Variants in MYRFL observed in about 807,000 individuals in gnomAD.
MYRFL encodes the protein myelin regulatory factor-like protein.
Under a neutral mutation model 109.4 loss-of-function variants are expected in MYRFL, and 88 were observed. That is an observed-to-expected ratio of 0.80 (90% CI 0.68 to 0.96). The LOEUF (loss-of-function observed/expected upper bound fraction) is 0.96, where lower values mean the gene tolerates loss of function less well. Ranked by LOEUF, MYRFL falls within the 40% of genes least tolerant of loss-of-function variation. MYRFL has a pLI of 0.00. For synonymous variants in MYRFL, 324 were observed against 320.9 expected, an observed-to-expected ratio of 1.01 and a Z score of -0.10; for missense variants, 957 against 954.9, an observed-to-expected ratio of 1.00 and a Z score of -0.03.
At chr12:69,834,306 G>C (rs1882810028) in intron 1 of MYRFL, among the ~76,000 whole-genome samples, 2 of 152,180 alleles carry the variant, frequency 1.3e-5, no homozygotes, top group Admixed American at 1.3e-4. Flanking sequence ...CATGTGACTT[G>C]ATGCTGAGAA....
intron 21 of MYRFL, 79 bp downstream of exon 21, chr12:69,952,965 G>A: frequency 1.2e-6 from 1 of 865,046 alleles, no homozygotes; most frequent in Non-Finnish European, 1.8e-6. Context: ...TGCAGTGGAA[G>A]CTAAAGCTAC....
At chr12:69,923,476 A>G (rs1467096032) in intron 13 of MYRFL, among the ~76,000 whole-genome samples, 1 of 152,170 alleles carries the variant, frequency 6.6e-6, no homozygotes, top group African/African-American at 2.4e-5. Context: ...TCTAACTTAA[A>G]TTTAGATTTG....
At chr12:69,927,572 T>C in intron 14 of MYRFL, 113 bp from the exon 15 acceptor site, 1 of 741,904 alleles carries the variant, frequency 1.3e-6, no homozygotes, top group Non-Finnish European at 2.1e-6. Flanking sequence ...TTTCAAAATA[T>C]CACTGTATTG....
intron 1 of MYRFL, among the ~76,000 whole-genome samples, chr12:69,854,345 G>GA (rs1565972735): frequency 1.4e-5 from 2 of 140,326 alleles, no homozygotes; most frequent in Admixed American, 7.4e-5. Flanking sequence ...GAGGGGGAGG[G>GA]GGAGGGAGAG....
intron 1 of MYRFL, among the ~76,000 whole-genome samples, chr12:69,840,389 AT>A (rs1883177878): frequency 6.6e-6 from 1 of 152,118 alleles, no homozygotes; most frequent in Admixed American, 6.5e-5. Flanking sequence ...TTCTAGCATA[AT>A]TTCCTCTACA....
chr12:69,871,231 CTTTT>C (rs58723853), intron 2 of MYRFL, among the ~76,000 whole-genome samples: 1 of 124,732 alleles, frequency 8.0e-6, no homozygotes. Context: ...TTGGATATTT[CTTTT>C]TTTTTTTTTT....
At chr12:69,879,696 G>A (rs1592746003) in intron 4 of MYRFL, among the ~76,000 whole-genome samples, 1 of 152,194 alleles carries the variant, frequency 6.6e-6, no homozygotes, top group East Asian at 1.9e-4. Flanking sequence ...ATACAGTGAG[G>A]TTCTGGATGA....
chr12:69,949,827 T>G (rs1350206689), intron 19 of MYRFL, among the ~76,000 whole-genome samples: 1 of 152,126 alleles, frequency 6.6e-6, no homozygotes, highest in Non-Finnish European at 1.5e-5. Flanking sequence ...TTTCCCAGAA[T>G]AGCAAAATTG....
chr12:69,945,498 C>A (rs539002150), intron 19 of MYRFL, among the ~76,000 whole-genome samples: 5 of 152,144 alleles, frequency 3.3e-5, no homozygotes, highest in Non-Finnish European at 7.3e-5. Context: ...AGCAATATAG[C>A]CTAGGTGTGT....
intron 13 of MYRFL, among the ~76,000 whole-genome samples, chr12:69,914,652 C>T (rs1954676426): frequency 6.6e-6 from 1 of 152,188 alleles, no homozygotes; most frequent in Non-Finnish European, 1.5e-5. Flanking sequence ...CAAGGTCCAT[C>T]CTCCTTCTTC....
At chr12:69,911,359 T>C (rs1170868400) in intron 13 of MYRFL, among the ~76,000 whole-genome samples, 1 of 152,224 alleles carries the variant, frequency 6.6e-6, no homozygotes, top group Non-Finnish European at 1.5e-5. Flanking sequence ...TTACACAATG[T>C]GTTTCTTCTT....
In MYRFL at chr12:69,952,896, C is replaced by T; in HGVS notation, c.2375+10C>T. 1 of 1,523,326 alleles carries T rather than the reference C, an allele frequency of 6.6e-7. No homozygotes were observed. Among genetic ancestry groups the T allele is most frequent in the Non-Finnish European group, 8.8e-7 (1 of 1,137,634 alleles). The allele number at this position is 1,523,326 out of a possible 1,614,324, so 94.4% of individuals were successfully genotyped here. A position where few individuals can be genotyped will look rare whatever the true frequency, so the allele number is the denominator to read the frequency against. ...AAAGCCTCCAGTGCGGGTAGGTAAGCCTCCCCAGCATGCCCTGGTTGTTTC... is the reference window on the plus strand; with the variant it reads ...AAAGCCTCCAGTGCGGGTAGGTAAGTCTCCCCAGCATGCCCTGGTTGTTTC... On this transcript the variant is annotated intron_variant, in intron 21 of 24. Coordinates refer to ENST00000552032, the MANE Select transcript of MYRFL (RefSeq NM_182530.3).
intron 6 of MYRFL, among the ~76,000 whole-genome samples, chr12:69,889,077 G>A (rs1886632566): frequency 6.6e-6 from 1 of 152,000 alleles, no homozygotes; most frequent in African/African-American, 2.4e-5. Flanking sequence ...TTCTGTTTCT[G>A]GAATTAGAGG....
intron 16 of MYRFL, among the ~76,000 whole-genome samples, chr12:69,935,414 A>G (rs530177948): frequency 1.3e-5 from 2 of 152,244 alleles, no homozygotes; most frequent in East Asian, 3.9e-4. Flanking sequence ...GGAGAACACT[A>G]AGTATTTGGA....
chr12:69,895,099 A>T (rs1245977267), intron 8 of MYRFL, among the ~76,000 whole-genome samples: 2 of 152,250 alleles, frequency 1.3e-5, no homozygotes, highest in Non-Finnish European at 2.9e-5. Context: ...TATATGGAGC[A>T]TATGGCCCTT....
chr12:69,927,483 T>C (rs1955134942), intron 14 of MYRFL, among the ~76,000 whole-genome samples: 1 of 152,026 alleles, frequency 6.6e-6, no homozygotes, highest in Non-Finnish European at 1.5e-5. Context: ...AAAAGAGAAA[T>C]ACAATGTTTA....
chr12:69,938,059 T>A (rs1273063436), intron 19 of MYRFL, among the ~76,000 whole-genome samples: 4 of 152,234 alleles, frequency 2.6e-5, no homozygotes, highest in Admixed American at 6.5e-5. Flanking sequence ...GCTTTTCTCA[T>A]GAAAACTATT....
chr12:69,931,204 G>A (rs1255545847), intron 15 of MYRFL, among the ~76,000 whole-genome samples: 1 of 152,186 alleles, frequency 6.6e-6, no homozygotes, highest in Non-Finnish European at 1.5e-5. Context: ...TTCAGCAGCT[G>A]TGGGGGTAGG....
Position 69,910,820 on chromosome 12 carries a change from G to C in MYRFL, c.1493-1G>C. The C allele has an allele frequency of 6.5e-7, 1 of 1,532,618 alleles. No individual in the cohort carries two copies. Among genetic ancestry groups the C allele is most frequent in the South Asian group, 1.2e-5 (1 of 83,926 alleles). 94.9% of individuals were successfully genotyped at this position (1,532,618 alleles called of 1,614,324 possible). On this transcript the variant is annotated splice_acceptor_variant, in intron 12 of 24. Coordinates refer to ENST00000552032, the MANE Select transcript of MYRFL (RefSeq NM_182530.3). LOFTEE classifies it high-confidence loss of function. ...AAACCTGTGGAGTGTTTTGTATACAGGAATGATTGCCCAGGAGGTGCAAGA... is the reference window on the plus strand; with the variant it reads ...AAACCTGTGGAGTGTTTTGTATACACGAATGATTGCCCAGGAGGTGCAAGA...
Sources: allele counts gnomAD v4.1 joint callset (sites outside exome capture counted in the v4.1 genomes callset), GRCh38; gene constraint gnomAD v4.1.1; transcripts MANE v1.5; gene names NCBI Gene and HGNC (gene_info 2026-07-23, HGNC 2026-07-21).